The following LPP variants were observed in gnomAD, a reference collection of about 807,000 sequenced individuals.
LPP encodes the protein LIM domain containing preferred translocation partner in lipoma.
In LPP, 38 loss-of-function variants were observed where a neutral mutation model predicts 60.4. The ratio of observed to expected loss-of-function variants is 0.63; its 90% CI spans 0.49 to 0.83. The LOEUF (loss-of-function observed/expected upper bound fraction) is 0.83, where lower values mean the gene tolerates loss of function less well. Ranked by LOEUF, LPP falls within the 40% of genes least tolerant of loss-of-function variation. The probability of loss-of-function intolerance (pLI) is 0.00; values close to 1 mark genes in which losing one functional copy is unlikely to be tolerated. For synonymous variants in LPP, 328 were observed against 290.8 expected (o/e 1.13, Z -1.30); for missense variants, 902 against 783.6 (o/e 1.15, Z -1.80).
intron 5 of LPP, among the ~76,000 whole-genome samples, chr3:188,509,553 CACAT>C (rs1814585317): frequency 1.3e-5 from 2 of 152,082 alleles, no homozygotes; most frequent in South Asian, 4.1e-4. Context: ...GAAAAACATT[CACAT>C]TGGAACAAGG....
chr3:188,620,887 G>C (rs796776859), intron 7 of LPP, among the ~76,000 whole-genome samples: 14 of 152,294 alleles, frequency 9.2e-5, no homozygotes, highest in African/African-American at 3.4e-4. Context: ...GTCTGTTTCA[G>C]TTTTGTTTCT....
intron 1 of LPP, among the ~76,000 whole-genome samples, chr3:188,161,388 T>C (rs765333330): frequency 7.9e-5 from 12 of 152,178 alleles, no homozygotes; most frequent in Non-Finnish European, 1.6e-4. Flanking sequence ...TAGAATAATA[T>C]CAGGTAGCTT....
chr3:188,467,054 G>A (rs1800657293), intron 4 of LPP, among the ~76,000 whole-genome samples: 1 of 150,790 alleles, frequency 6.6e-6, no homozygotes, highest in Non-Finnish European at 1.5e-5. Context: ...TATAATTCTG[G>A]TCAGGCTCCT....
chr3:188,408,477 A>G (rs1158068407), intron 4 of LPP, among the ~76,000 whole-genome samples: 1 of 152,176 alleles, frequency 6.6e-6, no homozygotes, highest in Non-Finnish European at 1.5e-5. Context: ...CCTGCAGCAC[A>G]GTCCTTGGTC....
At chr3:188,654,982 T>G (rs1488932815) in intron 7 of LPP, among the ~76,000 whole-genome samples, 2 of 152,198 alleles carry the variant, frequency 1.3e-5, no homozygotes, top group African/African-American at 4.8e-5. Context: ...CTGCATAAAT[T>G]AAATAATTTA....
chr3:188,412,246 T>C (rs893867919), intron 4 of LPP, among the ~76,000 whole-genome samples: 1 of 152,152 alleles, frequency 6.6e-6, no homozygotes, highest in African/African-American at 2.4e-5. Context: ...TATAATAACC[T>C]TTACCTTTTC....
At chr3:188,186,442 C>A (rs552354979) in intron 1 of LPP, among the ~76,000 whole-genome samples, 1 of 152,146 alleles carries the variant, frequency 6.6e-6, no homozygotes, top group Non-Finnish European at 1.5e-5. Flanking sequence ...CTTAAAAAGA[C>A]GACCTTGTCA....
intron 9 of LPP, among the ~76,000 whole-genome samples, chr3:188,764,674 T>TAGAAAA (rs1434356458): frequency 6.6e-6 from 1 of 152,194 alleles, no homozygotes; most frequent in Non-Finnish European, 1.5e-5. Context: ...AGTATAGTTT[T>TAGAAAA]AGAAAAAGAA....
At chr3:188,811,819 TG>T (rs1198302050) in intron 9 of LPP, among the ~76,000 whole-genome samples, 2 of 152,144 alleles carry the variant, frequency 1.3e-5, no homozygotes, top group Non-Finnish European at 2.9e-5. Flanking sequence ...GTGCTTTTGT[TG>T]TTTTCTTTTT....
chr3:188,390,630 C>A (rs1779473067), intron 3 of LPP, among the ~76,000 whole-genome samples: 1 of 151,160 alleles, frequency 6.6e-6, no homozygotes, highest in Non-Finnish European at 1.5e-5. Flanking sequence ...TGCTGTTTTT[C>A]TTTCCGTCTA....
In LPP at chr3:188,887,227, G is replaced by A. The variant is rs1770785439; in HGVS notation, c.*12748G>A. On this transcript the variant is annotated 3_prime_UTR_variant, in exon 12 of 12. Transcript: ENST00000617246. ...AAACTAGTTTAAGAAATGCAAAATG[G>A]GAAGAGCTAGCTTTTCTTAGATACA... 1 of 222,044 alleles carries A rather than the reference G, an allele frequency of 4.5e-6. No individual in the cohort carries two copies. The highest frequency in any genetic ancestry group is 5.7e-5 in the Admixed American group (1 of 17,396). 13.8% of individuals were successfully genotyped at this position (222,044 alleles called of 1,614,324 possible). A position where few individuals can be genotyped will look rare whatever the true frequency, so the allele number is the denominator to read the frequency against.
intron 1 of LPP, among the ~76,000 whole-genome samples, chr3:188,173,758 GA>G (rs1365302511): frequency 6.6e-6 from 1 of 152,160 alleles, no homozygotes; most frequent in Non-Finnish European, 1.5e-5. Context: ...CTTAGGGGAA[GA>G]GACTGAGGCC....
At chr3:188,549,679 TCAGTTTAC>T (rs1281647393) in intron 6 of LPP, among the ~76,000 whole-genome samples, 3 of 152,144 alleles carry the variant, frequency 2.0e-5, no homozygotes, top group African/African-American at 7.2e-5. Context: ...AAATACAAAC[TCAGTTTAC>T]CTGAGACTGA....
Position 188,889,493 on chromosome 3 carries a change from A to T in LPP, c.*15014A>T, listed in dbSNP as rs1456719200. 1 of 230,722 alleles carries T rather than the reference A, an allele frequency of 4.3e-6. No homozygotes were observed. The highest frequency in any genetic ancestry group is 5.6e-5 in the Admixed American group (1 of 17,730). The allele number at this position is 230,722 out of a possible 1,614,324, so 14.3% of individuals were successfully genotyped here. A position where few individuals can be genotyped will look rare whatever the true frequency, so the allele number is the denominator to read the frequency against. ...TTCTAAGTCAGTTGGCTCCATATTC[A>T]CTTGAATATGCCTCTGTTTGGGCAA... On this transcript the variant is annotated 3_prime_UTR_variant, in exon 12 of 12. Transcript: ENST00000617246.
At chr3:188,635,572 C>T (rs1848577434) in intron 7 of LPP, among the ~76,000 whole-genome samples, 1 of 152,132 alleles carries the variant, frequency 6.6e-6, no homozygotes. Context: ...CTAAGAGGCT[C>T]CATTTCTCGT....
intron 5 of LPP, among the ~76,000 whole-genome samples, chr3:188,488,762 G>C (rs1255286747): frequency 6.6e-6 from 1 of 151,892 alleles, no homozygotes; most frequent in East Asian, 1.9e-4. Context: ...TCAGCCTCCT[G>C]AGTAGCTGGG....
intron 6 of LPP, among the ~76,000 whole-genome samples, chr3:188,581,444 A>T (rs2150984179): frequency 6.6e-6 from 1 of 152,254 alleles, no homozygotes; most frequent in African/African-American, 2.4e-5. Flanking sequence ...TTGCATTCTT[A>T]ACTTGCAATT....
chr3:188,323,258 G>C (rs1392858437), intron 2 of LPP, among the ~76,000 whole-genome samples: 1 of 152,196 alleles, frequency 6.6e-6, no homozygotes, highest in Admixed American at 6.5e-5. Context: ...TCAGATCAGT[G>C]GAGCTGTACC....
At chr3:188,473,081 T>C (rs62289630) in intron 4 of LPP, among the ~76,000 whole-genome samples, 76,906 of 151,986 alleles carry the variant, frequency 0.51, 20,659 homozygotes, top group Middle Eastern at 0.65. Context: ...AAAAAGTTAT[T>C]GGACTAGTTC....
Sources: gnomAD v4.1 joint callset for allele counts (sites outside exome capture counted in the v4.1 genomes callset) on GRCh38, gnomAD v4.1.1 for gene constraint, MANE v1.5 for transcripts, NCBI Gene and HGNC (gene_info 2026-07-23, HGNC 2026-07-21) for gene names.